Variants in ARID1A observed in about 807,000 individuals in gnomAD.
ARID1A encodes the protein AT-rich interaction domain 1A.
In ARID1A, 20 loss-of-function variants were observed where a neutral mutation model predicts 212.6. The observed-to-expected ratio is 0.09, with a 90% CI of 0.07 to 0.14. The LOEUF is 0.14. Ranked by LOEUF, ARID1A falls within the 10% of genes least tolerant of loss-of-function variation. ARID1A has a pLI of 1.00. For synonymous variants in ARID1A, 1,376 were observed against 1,222.1 expected (o/e 1.13, Z -2.63); for missense variants, 2,587 against 3,059.0 (o/e 0.85, Z 3.64).
intron 4 of ARID1A, among the ~76,000 whole-genome samples, chr1:26,734,105 T>A (rs1167996084): frequency 6.6e-6 from 1 of 152,214 alleles, no homozygotes; most frequent in South Asian, 2.1e-4. Context: ...CCCTTCTCAT[T>A]AGTGTCTGTT....
Position 26,719,623 on chromosome 1 carries a change from CT to C in ARID1A, c.1138-10015del, listed in dbSNP as rs1316554472. Among the ~76,000 whole-genome samples, 1,021 of 145,308 alleles carry C rather than the reference CT, an allele frequency of 7.0e-3. 5 individuals are homozygous for C. Among genetic ancestry groups the C allele is most frequent in the African/African-American group, 0.021 (827 of 39,880 alleles). ...GCTTAAAGTGGTGTGAAACTCTATA[CT>C]TTTTTTTTTTTTCTTTTTAAAAAGG... is the stretch of plus-strand genomic sequence containing the variant. On this transcript the variant is annotated intron_variant, in intron 1 of 19. Transcript: ENST00000324856.
At chr1:26,729,301 T>G (rs1192054424) in intron 1 of ARID1A, 2 of 266,908 alleles carry the variant, frequency 7.5e-6, no homozygotes. Flanking sequence ...AATTTTGGTG[T>G]GTAACAAGGT....
intron 3 of ARID1A, among the ~76,000 whole-genome samples, chr1:26,732,031 G>A (rs1425777807): frequency 6.6e-6 from 1 of 151,918 alleles, no homozygotes; most frequent in Admixed American, 6.6e-5. Flanking sequence ...CAAAATACTT[G>A]GATCCCTTCA....
At chr1:26,711,296 A>AT (rs910283763) in intron 1 of ARID1A, among the ~76,000 whole-genome samples, 21 of 151,790 alleles carry the variant, frequency 1.4e-4, no homozygotes, top group Middle Eastern at 3.4e-3. Context: ...ATTTATATAT[A>AT]TTTTTTAGTA....
intron 4 of ARID1A, among the ~76,000 whole-genome samples, chr1:26,748,608 C>G (rs200252584): frequency 8.5e-6 from 1 of 117,730 alleles, no homozygotes; most frequent in African/African-American, 3.2e-5. Flanking sequence ...GACCCAGATT[C>G]TTTTTTTTTT....
At chr1:26,708,488 GT>G (rs1335963916) in intron 1 of ARID1A, among the ~76,000 whole-genome samples, 1 of 150,960 alleles carries the variant, frequency 6.6e-6, no homozygotes, top group Non-Finnish European at 1.5e-5. Flanking sequence ...GTTTCACTGT[GT>G]TGGTCAGGCT....
chr1:26,711,412 C>T (rs1331862418), intron 1 of ARID1A, among the ~76,000 whole-genome samples: 2 of 152,102 alleles, frequency 1.3e-5, no homozygotes, highest in Non-Finnish European at 2.9e-5. Context: ...CGTGAGCCAG[C>T]GCCCCCGGCT....
chr1:26,756,929 G>C (rs535128305), intron 4 of ARID1A, among the ~76,000 whole-genome samples: 269 of 151,942 alleles, frequency 1.8e-3, no homozygotes, highest in Admixed American at 3.8e-3. Flanking sequence ...GTCTCGATTT[G>C]CTGACCTTGT....
chr1:26,772,962 G>A lies in ARID1A; in HGVS notation c.3690G>A (p.Lys1230=), dbSNP rs910860235. The part of the protein sequence containing the change: ...MMGRMSYEPN[K]DPYGSMRKAP... ...GGCGCATGTCCTATGAGCCAAATAA[G>A]GATCCTTATGGCAGCATGAGGAAAG... is the stretch of plus-strand genomic sequence containing the variant. Residue 1230 remains lysine, a synonymous_variant, in exon 14 of 20, where the codon AAG becomes AAA. Coordinates refer to ENST00000324856, the MANE Select transcript of ARID1A (RefSeq NM_006015.6). The A allele has an allele frequency of 1.2e-6, 2 of 1,612,418 alleles. No homozygotes were observed. Among genetic ancestry groups the A allele is most frequent in the Non-Finnish European group, 1.7e-6 (2 of 1,178,792 alleles).
intron 1 of ARID1A, among the ~76,000 whole-genome samples, chr1:26,716,442 C>T (rs2080504220): frequency 6.6e-6 from 1 of 152,050 alleles, no homozygotes; most frequent in Admixed American, 6.6e-5. Flanking sequence ...AACAACACAA[C>T]TGTTTTTTTA....
rs1436957504 is a variant in ARID1A at position 26,696,507 on chromosome 1, CG to C, written c.110del (p.Gly37AlafsTer14). ...KKAEQQQREE[A>X]GGEAAAAAAA... is the part of the protein sequence containing the mutation. ...GCCGAGCAGCAGCAGCGGGAGGAGGCGGGGGGCGAGGCGGCGGCGGCGGCAG... is the reference window on the plus strand; with the variant it reads ...GCCGAGCAGCAGCAGCGGGAGGAGGCGGGGGCGAGGCGGCGGCGGCGGCAG... On this transcript the variant is annotated frameshift_variant, in exon 1 of 20. Coordinates refer to ENST00000324856, the MANE Select transcript of ARID1A (RefSeq NM_006015.6). LOFTEE classifies it high-confidence loss of function. 2 of 1,229,556 alleles carry C rather than the reference CG, an allele frequency of 1.6e-6. No individual in the cohort carries two copies. The highest frequency in any genetic ancestry group is 2.0e-6 in the Non-Finnish European group (2 of 988,252). The allele number at this position is 1,229,556 out of a possible 1,614,324, so 76.2% of individuals were successfully genotyped here. A position where few individuals can be genotyped will look rare whatever the true frequency, so the allele number is the denominator to read the frequency against.
chr1:26,762,372 C>T lies in ARID1A; in HGVS notation c.2419+53C>T, dbSNP rs2081000721. 54 of 1,559,086 alleles carry T rather than the reference C, an allele frequency of 3.5e-5. 1 individual carries two copies. The South Asian group carries it at 5.5e-4, about 16-fold the overall frequency. ...ATACGGGTGAGAGGAGAAAACAGTT[C>T]CTTGTCTGATATGTTGCCATCTAGC... On this transcript the variant is annotated intron_variant, in intron 7 of 19. Transcript: ENST00000324856.
intron 4 of ARID1A, among the ~76,000 whole-genome samples, chr1:26,742,585 A>G (rs1235718996): frequency 6.6e-6 from 1 of 152,164 alleles, no homozygotes; most frequent in Non-Finnish European, 1.5e-5. Flanking sequence ...TATTGGATCT[A>G]ACTGTTAATA....
At chr1:26,748,321 C>G (rs1015815570) in intron 4 of ARID1A, among the ~76,000 whole-genome samples, 1 of 152,094 alleles carries the variant, frequency 6.6e-6, no homozygotes, top group African/African-American at 2.4e-5. Flanking sequence ...CTTCTCATAC[C>G]CAGAACTCTG....
intron 1 of ARID1A, among the ~76,000 whole-genome samples, chr1:26,724,347 C>T (rs563982825): frequency 1.3e-5 from 2 of 152,292 alleles, no homozygotes; most frequent in East Asian, 3.9e-4. Context: ...CTAAATTTAG[C>T]TCCTTAGGGT....
intron 1 of ARID1A, among the ~76,000 whole-genome samples, chr1:26,704,569 T>C (rs1406148365): frequency 6.6e-6 from 1 of 152,164 alleles, no homozygotes; most frequent in Non-Finnish European, 1.5e-5. Flanking sequence ...CCTTTAATAC[T>C]GTTTTTGGCC....
chr1:26,734,668 A>G (rs994292385), intron 4 of ARID1A, among the ~76,000 whole-genome samples: 2 of 152,198 alleles, frequency 1.3e-5, no homozygotes, highest in African/African-American at 4.8e-5. Context: ...GCAGGCATCA[A>G]AAAGTGGTTA....
At chr1:26,746,043 C>T (rs942167694) in intron 4 of ARID1A, among the ~76,000 whole-genome samples, 5 of 152,106 alleles carry the variant, frequency 3.3e-5, no homozygotes, top group Non-Finnish European at 2.9e-5. Flanking sequence ...AAGAGCAAAA[C>T]TCTGTCTCAA....
At chr1:26,754,580 G>A (rs915974722) in intron 4 of ARID1A, among the ~76,000 whole-genome samples, 1 of 152,142 alleles carries the variant, frequency 6.6e-6, no homozygotes, top group African/African-American at 2.4e-5. Flanking sequence ...GAAAACTGAA[G>A]CCTGACTTGT....
Sources: allele counts gnomAD v4.1 joint callset (sites outside exome capture counted in the v4.1 genomes callset), GRCh38; gene constraint gnomAD v4.1.1; transcripts MANE v1.5; gene names NCBI Gene and HGNC (gene_info 2026-07-23, HGNC 2026-07-21).